The following HSPA4 variants were observed in gnomAD, a reference collection of about 807,000 sequenced individuals.
HSPA4 encodes the protein heat shock protein family A (Hsp70) member 4, also known as heat shock 70 kDa protein 4.
Under a neutral mutation model 106.2 loss-of-function variants are expected in HSPA4, and 25 were observed. The observed-to-expected ratio is 0.24, with a 90% CI of 0.17 to 0.33. HSPA4 has a LOEUF of 0.33. Ranked by LOEUF, HSPA4 falls within the 10% of genes least tolerant of loss-of-function variation. The pLI is 1.00. For synonymous variants in HSPA4, 332 were observed against 333.6 expected, an observed-to-expected ratio of 1.00 and a Z score of 0.05; for missense variants, 841 against 996.0, an observed-to-expected ratio of 0.84 and a Z score of 2.10.
rs1469864397 is a variant in HSPA4 at position 133,105,820 on chromosome 5, TTGAG to T, written c.*1387_*1390del. The T allele has an allele frequency of 2.6e-5, 4 of 152,094 alleles. No individual in the cohort carries two copies. The highest frequency in any genetic ancestry group is 4.4e-5 in the Non-Finnish European group (3 of 68,032). The allele number at this position is 152,094 out of a possible 1,614,324, so 9.4% of individuals were successfully genotyped here. ...CCATCTCTAGATAACATTGAAAAGT[TTGAG>T]TGTTACAGGCTCTAAAGTGCAATGG... On this transcript the variant is annotated 3_prime_UTR_variant, in exon 19 of 19. Transcript: ENST00000304858.
intron 1 of HSPA4, among the ~76,000 whole-genome samples, chr5:133,061,677 TG>T (rs1765245399): frequency 6.6e-6 from 1 of 152,128 alleles, no homozygotes. Flanking sequence ...TGGAGTGCAG[TG>T]GCGTGATCTT....
At chr5:133,067,388 T>G (rs773026688) in intron 2 of HSPA4, 29 bp from the exon 3 acceptor site, 87 of 1,582,280 alleles carry the variant, frequency 5.5e-5, no homozygotes, top group African/African-American at 2.3e-4. Context: ...AGTAGTAGTC[T>G]TTCCACTCTT....
At chr5:133,096,628 A>C (rs1765715498) in intron 14 of HSPA4, among the ~76,000 whole-genome samples, 1 of 152,210 alleles carries the variant, frequency 6.6e-6, no homozygotes, top group Non-Finnish European at 1.5e-5. Context: ...TAATGGTGGC[A>C]GTATTTTGCT....
chr5:133,102,084 G>A (rs1765793049), intron 17 of HSPA4, among the ~76,000 whole-genome samples: 1 of 151,716 alleles, frequency 6.6e-6, no homozygotes, highest in South Asian at 2.1e-4. Context: ...GCACCACCAC[G>A]CCCAGCTTAT....
At position 133,088,382 on chromosome 5, in the gene HSPA4, C is replaced by A. The variant is rs765541450; in HGVS notation, c.986-22C>A. ...TGTTCTTTCATTTCATTAAAAAAAT[C>A]TGTCTAATTCTTTAAAAATAGAGTT... is the stretch of plus-strand genomic sequence containing the variant. On this transcript the variant is annotated intron_variant, in intron 8 of 18. Coordinates refer to ENST00000304858, the MANE Select transcript of HSPA4 (RefSeq NM_002154.4). The A allele has an allele frequency of 4.0e-6, 6 of 1,505,726 alleles. No individual in the cohort carries two copies. In the Admixed American group the frequency reaches 7.1e-5, roughly 18 times the overall value. The allele number at this position is 1,505,726 out of a possible 1,614,324, so 93.3% of individuals were successfully genotyped here.
chr5:133,053,085 A>C (rs971646465), intron 1 of HSPA4: 1 of 152,220 alleles, frequency 6.6e-6, no homozygotes, highest in African/African-American at 2.4e-5. Context: ...ACGATAATGC[A>C]TTCTAACCAG....
At chr5:133,077,989 T>C (rs1765466478) in intron 7 of HSPA4, among the ~76,000 whole-genome samples, 1 of 152,166 alleles carries the variant, frequency 6.6e-6, no homozygotes, top group East Asian at 1.9e-4. Flanking sequence ...AGATACTTAT[T>C]AAGTAGTTTA....
Position 133,063,887 on chromosome 5 carries a change from G to C in HSPA4, c.108-1093G>C, listed in dbSNP as rs372182265. Among the ~76,000 whole-genome samples the C allele has an allele frequency of 8.5e-5, 13 of 152,062 alleles. No homozygotes were observed. The East Asian group carries it at 2.5e-3, about 30-fold the overall frequency. On this transcript the variant is annotated intron_variant, in intron 1 of 18. Transcript: ENST00000304858. ...AGCAATTCTCCTGCCTCAGCCTCTT[G>C]AGTAGGTGGGATTACAGGCACATGC...
chr5:133,064,573 G>A (rs1765285319), intron 1 of HSPA4, among the ~76,000 whole-genome samples: 1 of 152,152 alleles, frequency 6.6e-6, no homozygotes, highest in South Asian at 2.1e-4. Flanking sequence ...TTAATAGGGC[G>A]AGAGTTGTTT....
At position 133,106,141 on chromosome 5, in the gene HSPA4, GGTGTGTGTGT is replaced by G. The variant is rs56373873; in HGVS notation, c.*1717_*1726del. On this transcript the variant is annotated 3_prime_UTR_variant, in exon 19 of 19. Transcript: ENST00000304858. ...TTTTTTTTTTTTTTTTTTTTTTTTT[GGTGTGTGTGT>G]GTGTGTGTGTGGGGAAGGGTGTGGG... 1.3e-4 allele frequency: 7 copies of G among 53,596 alleles called. No homozygotes were observed. The highest frequency in any genetic ancestry group is 0.012 in the Middle Eastern group (1 of 82). The allele number at this position is 53,596 out of a possible 1,614,324, so 3.3% of individuals were successfully genotyped here. A position where few individuals can be genotyped will look rare whatever the true frequency, so the allele number is the denominator to read the frequency against.
chr5:133,086,828 C>T lies in HSPA4; in HGVS notation c.955C>T (p.Pro319Ser), dbSNP rs765227930. The T allele has an allele frequency of 6.2e-7, 1 of 1,613,496 alleles. No homozygotes were observed. The highest frequency in any genetic ancestry group is 1.1e-5 in the South Asian group (1 of 91,070). Residue 319 changes from proline (P) to serine (S), a missense_variant, in exon 8 of 19, where the codon CCA becomes TCA. Coordinates refer to ENST00000304858, the MANE Select transcript of HSPA4 (RefSeq NM_002154.4). The part of the protein sequence containing the change: ...MCNDLLARVE[P>S]PLRSVLEQTK... ...CAATGATCTCTTAGCTAGAGTGGAG[C>T]CACCACTTCGTAGTGTTTTGGAACA...
chr5:133,103,437 C>G (rs184830812), intron 17 of HSPA4, among the ~76,000 whole-genome samples: 103 of 151,238 alleles, frequency 6.8e-4, no homozygotes, highest in African/African-American at 2.3e-3. Flanking sequence ...GGTGTGATCT[C>G]GGCTCACTGC....
At chr5:133,064,315 G>T (rs947427028) in intron 1 of HSPA4, among the ~76,000 whole-genome samples, 1 of 152,192 alleles carries the variant, frequency 6.6e-6, no homozygotes, top group Non-Finnish European at 1.5e-5. Context: ...ATACCAGCCT[G>T]ACCAACATGG....
rs749764197 is a variant in HSPA4 at position 133,052,223 on chromosome 5, GGCCCGA to G, written c.-19_-14del. 1.1e-4 allele frequency: 162 copies of G among 1,512,562 alleles called. No homozygotes were observed. The African/African-American group carries it at 1.7e-3, about 15-fold the overall frequency. 93.7% of individuals were successfully genotyped at this position (1,512,562 alleles called of 1,614,324 possible). A position where few individuals can be genotyped will look rare whatever the true frequency, so the allele number is the denominator to read the frequency against. On this transcript the variant is annotated 5_prime_UTR_variant, in exon 1 of 19. Transcript: ENST00000304858. ...TGTCCTGTCTCGGTGGCCGGACCCG[GGCCCGA>G]GCCCGAGCAGTAGCCGGCGCCATGT...
chr5:133,099,753 A>G (rs886593998), intron 16 of HSPA4, 101 bp downstream of exon 16: 2 of 532,862 alleles, frequency 3.8e-6, no homozygotes, highest in Non-Finnish European at 7.0e-6. Context: ...CAGACTGAAA[A>G]TGATGTTTGA....
In HSPA4 at chr5:133,093,893, G is replaced by T. The variant is rs542156585; in HGVS notation, c.1650+1104G>T. 8.0e-4 allele frequency among the ~76,000 whole-genome samples: 121 copies of T among 150,978 alleles called. 1 individual carries two copies. In the South Asian group the frequency reaches 0.017, roughly 21 times the overall value. ...GTGGATCACTTGGGGTCAGGAGTGA[G>T]ACCAGCCTGGCCAACATGGTGAAAC... is the stretch of plus-strand genomic sequence containing the variant. On this transcript the variant is annotated intron_variant, in intron 13 of 18. Transcript: ENST00000304858.
chr5:133,062,829 A>G (rs1008045494), intron 1 of HSPA4, among the ~76,000 whole-genome samples: 10 of 152,146 alleles, frequency 6.6e-5, no homozygotes, highest in African/African-American at 2.4e-4. Flanking sequence ...GTTCTTAGCC[A>G]TTGGTTGTGA....
chr5:133,098,506 G>A (rs1175384540), intron 15 of HSPA4, among the ~76,000 whole-genome samples: 2 of 147,330 alleles, frequency 1.4e-5, no homozygotes, highest in African/African-American at 5.0e-5. Context: ...TTTTTTTTTA[G>A]TAGAGATGGG....
At position 133,092,689 on chromosome 5, in the gene HSPA4, C is replaced by T. The variant is rs748404014; in HGVS notation, c.1561-11C>T. 27 of 1,589,248 alleles carry T rather than the reference C, an allele frequency of 1.7e-5. No homozygotes were observed. The East Asian group carries it at 4.5e-4, about 26-fold the overall frequency. On this transcript the variant is annotated splice_polypyrimidine_tract_variant and intron_variant, in intron 12 of 18. Transcript: ENST00000304858. ...TCCTAATTGCAGGATTTAATTTGAC[C>T]TGTTTTTCAGAAGATGCAAGTGGAC...
Sources: gnomAD v4.1 joint callset for allele counts (sites outside exome capture counted in the v4.1 genomes callset) on GRCh38, gnomAD v4.1.1 for gene constraint, MANE v1.5 for transcripts, NCBI Gene and HGNC (gene_info 2026-07-23, HGNC 2026-07-21) for gene names.